The following PUM1 variants were observed in gnomAD, a reference collection of about 807,000 sequenced individuals.
PUM1 encodes the protein pumilio RNA binding family member 1.
In PUM1, 13 loss-of-function variants were observed where a neutral mutation model predicts 131.8. The ratio of observed to expected loss-of-function variants is 0.10; its 90% CI spans 0.06 to 0.16. The LOEUF (loss-of-function observed/expected upper bound fraction) is 0.16, where lower values mean the gene tolerates loss of function less well. PUM1 is among the 10% of genes least tolerant of loss of function. PUM1 has a pLI of 1.00. For synonymous variants in PUM1, 509 were observed against 556.5 expected (o/e 0.91, Z 1.20); for missense variants, 961 against 1,512.4 (o/e 0.64, Z 6.05).
chr1:31,038,984 A>ATATATATATATATATATATTTT, intron 2 of PUM1, among the ~76,000 whole-genome samples: 4 of 49,408 alleles, frequency 8.1e-5, no homozygotes, highest in African/African-American at 6.2e-4. Flanking sequence ...ATATATATAT[A>ATATATATATATATATATATTTT]TTTTTTTTTT....
chr1:31,012,874 T>C (rs1642675011), intron 3 of PUM1, among the ~76,000 whole-genome samples: 2 of 152,228 alleles, frequency 1.3e-5, no homozygotes, highest in African/African-American at 2.4e-5. Flanking sequence ...ATGAATGCTC[T>C]GAAATCACTT....
chr1:31,027,037 C>T (rs1193044181), intron 3 of PUM1, among the ~76,000 whole-genome samples: 1 of 151,632 alleles, frequency 6.6e-6, no homozygotes, highest in Non-Finnish European at 1.5e-5. Flanking sequence ...TAAACTTTAC[C>T]CTCTACTGAA....
rs374053544 is a variant in PUM1, at chr1:30,982,978, T to C, written c.1159-1573A>G. Reference sequence around the variant, plus strand: ...CCCAAAAGTTAAAGAAAAACTTCACTGCGATGCTGGCAAAAAAGAAACAGT... The same window carrying C: ...CCCAAAAGTTAAAGAAAAACTTCACCGCGATGCTGGCAAAAAAGAAACAGT... On this transcript the variant is annotated intron_variant, in intron 7 of 21. Coordinates refer to ENST00000426105, the MANE Select transcript of PUM1 (RefSeq NM_001020658.2). Among the ~76,000 whole-genome samples the C allele has an allele frequency of 7.6e-4, 116 of 152,356 alleles. 1 individual carries two copies. The highest frequency in any genetic ancestry group is 2.6e-3 in the African/African-American group (110 of 41,580).
chr1:30,980,797 C>T (rs1367334904), intron 8 of PUM1, among the ~76,000 whole-genome samples: 1 of 151,988 alleles, frequency 6.6e-6, no homozygotes, highest in African/African-American at 2.4e-5. Flanking sequence ...GGGGAAGAAA[C>T]GTCTAGGCAG....
intron 5 of PUM1, among the ~76,000 whole-genome samples, chr1:30,997,573 G>C (rs1400079176): frequency 6.6e-6 from 1 of 151,332 alleles, no homozygotes; most frequent in Non-Finnish European, 1.5e-5. Context: ...AAGCAAGACA[G>C]CTGGTTGCAG....
At chr1:31,021,124 AT>A (rs1387779856) in intron 3 of PUM1, among the ~76,000 whole-genome samples, 1 of 152,242 alleles carries the variant, frequency 6.6e-6, no homozygotes, top group African/African-American at 2.4e-5. Flanking sequence ...AAGATCCTTT[AT>A]TTAAAAATGC....
intron 5 of PUM1, among the ~76,000 whole-genome samples, chr1:31,005,306 A>G (rs1292809899): frequency 6.6e-6 from 1 of 152,240 alleles, no homozygotes; most frequent in African/African-American, 2.4e-5. Flanking sequence ...AAGAATTAAC[A>G]GAATCCCTAA....
chr1:30,977,130 T>C (rs899853975), intron 9 of PUM1, among the ~76,000 whole-genome samples: 3 of 152,196 alleles, frequency 2.0e-5, no homozygotes, highest in Non-Finnish European at 4.4e-5. Context: ...CATATATGCC[T>C]TATACACATA....
chr1:31,051,690 T>C (rs1644113504), intron 2 of PUM1, among the ~76,000 whole-genome samples: 1 of 152,106 alleles, frequency 6.6e-6, no homozygotes, highest in Non-Finnish European at 1.5e-5. Context: ...TATATCCTAG[T>C]GCTAAAAGAG....
In PUM1 at chr1:31,065,657, C is replaced by T. The variant is rs1438878401; in HGVS notation, c.-53G>A. The T allele has an allele frequency of 6.5e-6, 10 of 1,549,812 alleles. No individual in the cohort carries two copies. Among genetic ancestry groups the T allele is most frequent in the South Asian group, 2.4e-5 (2 of 84,062 alleles). The stretch of plus-strand genomic sequence containing the variant: ...TGAAGATGGATTTCAGCCCCCCGAT[C>T]TTCTCTCTCTGGCGCTCTCGCTCCC... On this transcript the variant is annotated 5_prime_UTR_variant, in exon 1 of 22. Transcript: ENST00000426105.
intron 9 of PUM1, 142 bp from the exon 10 acceptor site, chr1:30,974,944 A>C (rs1641073874): frequency 3.4e-6 from 2 of 593,666 alleles, no homozygotes; most frequent in South Asian, 5.5e-5. Context: ...GCTAATCATT[A>C]ACTCTTTTTA....
At chr1:31,048,389 C>CT (rs1156765723) in intron 2 of PUM1, among the ~76,000 whole-genome samples, 1 of 151,820 alleles carries the variant, frequency 6.6e-6, no homozygotes, top group Admixed American at 6.6e-5. Context: ...AAGTAAGAAT[C>CT]TCAGGAATCA....
intron 3 of PUM1, among the ~76,000 whole-genome samples, chr1:31,016,763 C>A (rs1156772033): frequency 3.9e-5 from 6 of 152,094 alleles, no homozygotes; most frequent in Non-Finnish European, 8.8e-5. Context: ...AAACAGATTA[C>A]CATAGACATG....
intron 7 of PUM1, 80 bp downstream of exon 7, chr1:30,992,310 C>G: frequency 6.5e-6 from 10 of 1,533,248 alleles, no homozygotes; most frequent in Non-Finnish European, 8.0e-6. Context: ...ACCACCTCCC[C>G]CATCCCCCCA....
At position 30,933,013 on chromosome 1, in the gene PUM1, C is replaced by A; in HGVS notation, c.*198G>T. On this transcript the variant is annotated 3_prime_UTR_variant, in exon 22 of 22. Coordinates refer to ENST00000426105, the MANE Select transcript of PUM1 (RefSeq NM_001020658.2). ...AATTAGTCAATTAAAAAAAATAGTA[C>A]ATGTTATGTGTAATAAAATTAAATT... 1.8e-6 allele frequency: 1 copy of A among 570,756 alleles called. No homozygotes were observed. 35.4% of individuals were successfully genotyped at this position (570,756 alleles called of 1,614,324 possible). A position where few individuals can be genotyped will look rare whatever the true frequency, so the allele number is the denominator to read the frequency against.
In PUM1 at chr1:31,059,258, A is replaced by G; in HGVS notation, c.309T>C (p.Tyr103=). 1 of 1,612,692 alleles carries G rather than the reference A, an allele frequency of 6.2e-7. No homozygotes were observed. The highest frequency in any genetic ancestry group is 8.5e-7 in the Non-Finnish European group (1 of 1,179,414). ...TAGGCCATCGATGTTTGCTATTATTATAGCCGCCTCCTCCACTTCCTCCTC... is the reference window on the plus strand; with the variant it reads ...TAGGCCATCGATGTTTGCTATTATTGTAGCCGCCTCCTCCACTTCCTCCTC... ...LGGGGSGGGG[Y]NNSKHRWPTG... Residue 103 remains tyrosine (Y), a synonymous_variant, in exon 2 of 22, where the codon TAT becomes TAC. Transcript: ENST00000426105.
chr1:31,017,335 A>G (rs1642853719), intron 3 of PUM1, among the ~76,000 whole-genome samples: 1 of 152,202 alleles, frequency 6.6e-6, no homozygotes, highest in Non-Finnish European at 1.5e-5. Context: ...GAAGAAAGGA[A>G]GAGTAACCAA....
chr1:30,972,254 GAAA>G (rs1557562486), intron 10 of PUM1, among the ~76,000 whole-genome samples: 12 of 46,032 alleles, frequency 2.6e-4, no homozygotes, highest in African/African-American at 8.6e-4. Context: ...GATTATGTCA[GAAA>G]GAAAAGAAAA....
chr1:30,956,454 G>C (rs1265935519), intron 14 of PUM1, among the ~76,000 whole-genome samples: 3 of 151,994 alleles, frequency 2.0e-5, no homozygotes, highest in Admixed American at 2.0e-4. Flanking sequence ...AGTAGAGATG[G>C]GGTTTCACCA....
Sources: allele counts gnomAD v4.1 joint callset (sites outside exome capture counted in the v4.1 genomes callset), GRCh38; gene constraint gnomAD v4.1.1; transcripts MANE v1.5; gene names NCBI Gene and HGNC (gene_info 2026-07-23, HGNC 2026-07-21).